The following RANBP2 variants were observed in gnomAD, a reference collection of about 807,000 sequenced individuals.
The protein encoded by RANBP2 is RAN binding protein 2, also known as E3 SUMO-protein ligase RanBP2.
In RANBP2, 57 loss-of-function variants were observed where a neutral mutation model predicts 303.6. The ratio of observed to expected loss-of-function variants is 0.19; its 90% CI spans 0.15 to 0.23. The LOEUF (loss-of-function observed/expected upper bound fraction) is 0.23, where lower values mean the gene tolerates loss of function less well. Ranked by LOEUF, RANBP2 falls within the 10% of genes least tolerant of loss-of-function variation. The pLI is 1.00. For synonymous variants in RANBP2, 1,167 were observed against 1,301.5 expected (o/e 0.90, Z 2.23); for missense variants, 3,138 against 3,780.8 (o/e 0.83, Z 4.46).
chr2:108,779,254 C>T (rs1678081383), intron 25 of RANBP2, among the ~76,000 whole-genome samples: 1 of 152,156 alleles, frequency 6.6e-6, no homozygotes, highest in Non-Finnish European at 1.5e-5. Context: ...CCTCTGCTTG[C>T]TAGGTTCAAG....
At chr2:109,107,313 G>C in the RANBP2 span, among the ~76,000 whole-genome samples, 1 of 151,942 alleles carries the variant, frequency 6.6e-6, no homozygotes, top group African/African-American at 2.4e-5. Flanking sequence ...ACACGCTCAG[G>C]GATAAGTACA....
chr2:109,583,327 A>C, the RANBP2 span, among the ~76,000 whole-genome samples: 2 of 152,220 alleles, frequency 1.3e-5, no homozygotes, highest in Admixed American at 6.5e-5. Context: ...AGGAAAAAAC[A>C]ACCCCATTAA....
At position 108,751,340 on chromosome 2, in the gene RANBP2, A is replaced by T. The variant is rs766607881; in HGVS notation, c.1350A>T (p.Leu450Phe). ...LGLQWNSLPA[L>F]PGIRKWLKQL... ...TACAGTGGAATTCATTGCCTGCTTTACCTGGAATCCGAAAATGGCTAAAAC... is the reference window on the plus strand; with the variant it reads ...TACAGTGGAATTCATTGCCTGCTTTTCCTGGAATCCGAAAATGGCTAAAAC... Residue 450 changes from leucine to phenylalanine, a missense_variant, in exon 10 of 29, where the codon TTA (leucine) becomes TTT (phenylalanine). Coordinates refer to ENST00000283195, the MANE Select transcript of RANBP2 (RefSeq NM_006267.5). 6 of 1,611,822 alleles carry T rather than the reference A, an allele frequency of 3.7e-6. No homozygotes were observed. In the African/African-American group the frequency reaches 8.0e-5, roughly 22 times the overall value.
the RANBP2 span, among the ~76,000 whole-genome samples, chr2:109,361,623 G>A: frequency 3.9e-5 from 6 of 152,030 alleles, no homozygotes; most frequent in Admixed American, 6.6e-5. Context: ...ACAGGCATAC[G>A]CCACCATGCC....
chr2:108,972,043 C>T, the RANBP2 span, among the ~76,000 whole-genome samples: 1 of 152,208 alleles, frequency 6.6e-6, no homozygotes, highest in Non-Finnish European at 1.5e-5. Context: ...TCCAGCCTGG[C>T]CTGGCCCGCA....
the RANBP2 span, chr2:109,567,688 G>A: frequency 1.0e-6 from 1 of 973,716 alleles, no homozygotes. Context: ...TGGACTTTTT[G>A]AAAATTCACC....
the RANBP2 span, among the ~76,000 whole-genome samples, chr2:109,230,438 G>T: frequency 6.6e-6 from 1 of 152,050 alleles, no homozygotes; most frequent in African/African-American, 2.4e-5. Context: ...AAATTAGCTG[G>T]GCATGATGGT....
the RANBP2 span, among the ~76,000 whole-genome samples, chr2:109,518,164 T>C: frequency 6.6e-6 from 1 of 152,250 alleles, no homozygotes; most frequent in Non-Finnish European, 1.5e-5. Context: ...TAAATAAGTG[T>C]GGGCAATTGT....
At chr2:108,886,540 G>A in the RANBP2 span, among the ~76,000 whole-genome samples, 1 of 152,004 alleles carries the variant, frequency 6.6e-6, no homozygotes, top group African/African-American at 2.4e-5. Flanking sequence ...TCAGCCTCCC[G>A]AGTAGCTGGG....
the RANBP2 span, among the ~76,000 whole-genome samples, chr2:109,227,100 G>C: frequency 6.6e-6 from 1 of 152,236 alleles, no homozygotes; most frequent in African/African-American, 2.4e-5. Context: ...TGGGGTCTTT[G>C]CTGGAACATC....
chr2:108,819,036 G>A, the RANBP2 span, among the ~76,000 whole-genome samples: 6 of 152,188 alleles, frequency 3.9e-5, no homozygotes, highest in African/African-American at 1.4e-4. Flanking sequence ...GGTACTATGT[G>A]TTACAAGTAA....
chr2:109,299,635 G>A, the RANBP2 span, among the ~76,000 whole-genome samples: 3 of 152,146 alleles, frequency 2.0e-5, no homozygotes, highest in African/African-American at 7.2e-5. Flanking sequence ...ACCTTGAATT[G>A]TAAGGCCCTT....
chr2:108,860,784 C>T, the RANBP2 span, among the ~76,000 whole-genome samples: 1 of 151,714 alleles, frequency 6.6e-6, no homozygotes, highest in African/African-American at 2.4e-5. Flanking sequence ...GTGTCTTTGC[C>T]AGATTTTGGC....
the RANBP2 span, among the ~76,000 whole-genome samples, chr2:108,853,179 G>A: frequency 2.0e-5 from 3 of 152,150 alleles, no homozygotes; most frequent in Non-Finnish European, 4.4e-5. Context: ...AACATCAACC[G>A]AGTTCTTGGA....
chr2:108,846,969 C>A, the RANBP2 span: 1 of 1,122,058 alleles, frequency 8.9e-7, no homozygotes, highest in Non-Finnish European at 1.3e-6. Flanking sequence ...TTTTGAGAAA[C>A]AATAGAGAAT....
chr2:109,636,931 T>C, the RANBP2 span, among the ~76,000 whole-genome samples: 6 of 152,014 alleles, frequency 3.9e-5, no homozygotes, highest in East Asian at 1.2e-3. Context: ...AGACAAAGTA[T>C]AGAGAAACAA....
At chr2:108,915,167 G>A in the RANBP2 span, among the ~76,000 whole-genome samples, 40 of 152,222 alleles carry the variant, frequency 2.6e-4, no homozygotes, top group Admixed American at 1.7e-3. Context: ...GCCTCCCAAA[G>A]TGCTGGGATT....
chr2:109,088,321 C>T, the RANBP2 span, among the ~76,000 whole-genome samples: 12 of 149,546 alleles, frequency 8.0e-5, no homozygotes, highest in African/African-American at 2.0e-4. Context: ...CGCTTGAACC[C>T]GGGAGGCGGA....
chr2:109,210,715 G>T, the RANBP2 span, among the ~76,000 whole-genome samples: 2 of 152,268 alleles, frequency 1.3e-5, no homozygotes, highest in African/African-American at 4.8e-5. Flanking sequence ...TTCCTCCCGG[G>T]GTTCTCTCTG....
Sources: allele counts gnomAD v4.1 joint callset (sites outside exome capture counted in the v4.1 genomes callset), GRCh38; gene constraint gnomAD v4.1.1; transcripts MANE v1.5; gene names NCBI Gene and HGNC (gene_info 2026-07-23, HGNC 2026-07-21).